The following TAF1B variants were observed in gnomAD, a reference collection of about 807,000 sequenced individuals.
TAF1B encodes the protein TATA box-binding protein-associated factor RNA polymerase I subunit B.
Under a neutral mutation model 83.9 loss-of-function variants are expected in TAF1B, and 61 were observed. The ratio of observed to expected loss-of-function variants is 0.73; its 90% CI spans 0.59 to 0.90. The LOEUF (loss-of-function observed/expected upper bound fraction) is 0.90, where lower values mean the gene tolerates loss of function less well. TAF1B is among the 40% of genes least tolerant of loss of function. The pLI is 0.00. For synonymous variants in TAF1B, 221 were observed against 224.6 expected (o/e 0.98, Z 0.14); for missense variants, 625 against 677.0 (o/e 0.92, Z 0.85).
intron 14 of TAF1B, among the ~76,000 whole-genome samples, chr2:9,920,557 G>T (rs1338546422): frequency 8.0e-6 from 1 of 125,646 alleles, no homozygotes; most frequent in Non-Finnish European, 1.6e-5. Flanking sequence ...ATTTCTCAGG[G>T]TATGGCGTCT....
intron 4 of TAF1B, chr2:9,851,907 C>A: frequency 5.1e-6 from 3 of 587,260 alleles, no homozygotes; most frequent in Non-Finnish European, 9.9e-6. Flanking sequence ...AAGTAAAACT[C>A]AAATAACTTT....
chr2:9,845,244 CAG>C lies in TAF1B; in HGVS notation c.44_45del (p.Gln15LeufsTer10), dbSNP rs1663167597. 1 of 1,613,906 alleles carries C rather than the reference CAG, an allele frequency of 6.2e-7. No individual in the cohort carries two copies. The highest frequency in any genetic ancestry group is 1.3e-5 in the African/African-American group (1 of 75,054). On this transcript the variant is annotated frameshift_variant, in exon 2 of 15. Transcript: ENST00000263663. LOFTEE classifies it high-confidence loss of function. The stretch of plus-strand genomic sequence containing the variant: ...GGAAGAGTTTAAAGAACGCTGTACT[CAG>C]TGTGCTGCTGTCTCATGGGGTCTTA... ...EAEEFKERCT[Q>X]CAAVSWGLTD...
At chr2:9,853,909 A>C (rs1430154899) in intron 4 of TAF1B, among the ~76,000 whole-genome samples, 1 of 152,156 alleles carries the variant, frequency 6.6e-6, no homozygotes, top group Non-Finnish European at 1.5e-5. Flanking sequence ...AAAGGACTCA[A>C]CTCGGTGATT....
intron 8 of TAF1B, among the ~76,000 whole-genome samples, chr2:9,889,984 C>A (rs952633368): frequency 2.6e-5 from 4 of 152,078 alleles, no homozygotes; most frequent in African/African-American, 9.7e-5. Context: ...CATATTGATA[C>A]TCAGCAAAAC....
chr2:9,879,616 C>A (rs1287653174), intron 7 of TAF1B, among the ~76,000 whole-genome samples: 1 of 152,026 alleles, frequency 6.6e-6, no homozygotes, highest in Non-Finnish European at 1.5e-5. Flanking sequence ...AGTGCCAAGC[C>A]CTAAAGCAAG....
Position 9,843,570 on chromosome 2 carries a change from G to C in TAF1B, c.18+11G>C. ...GACCTCGAGGAGGCGGTAAGGAGGC[G>C]GTGCACCTGGCGGGCCACGATCGCC... On this transcript the variant is annotated intron_variant, in intron 1 of 14. Coordinates refer to ENST00000263663, the MANE Select transcript of TAF1B (RefSeq NM_005680.3). 6.6e-7 allele frequency: 1 copy of C among 1,521,118 alleles called. No individual in the cohort carries two copies. The allele number at this position is 1,521,118 out of a possible 1,614,324, so 94.2% of individuals were successfully genotyped here.
chr2:9,910,366 C>T (rs1489027450), intron 9 of TAF1B, among the ~76,000 whole-genome samples: 2 of 152,116 alleles, frequency 1.3e-5, no homozygotes, highest in East Asian at 1.9e-4. Context: ...AGGATGCCAG[C>T]CAGTGCACAT....
chr2:9,893,515 TA>T (rs1664931542), intron 8 of TAF1B, among the ~76,000 whole-genome samples: 1 of 152,016 alleles, frequency 6.6e-6, no homozygotes, highest in Non-Finnish European at 1.5e-5. Context: ...TAAGAAACAT[TA>T]TATAGAGTGT....
At chr2:9,866,922 A>G (rs1663996976) in intron 5 of TAF1B, among the ~76,000 whole-genome samples, 1 of 149,742 alleles carries the variant, frequency 6.7e-6, no homozygotes, top group Non-Finnish European at 1.5e-5. Context: ...AACATCCCAT[A>G]CCGGGGACTG....
intron 2 of TAF1B, among the ~76,000 whole-genome samples, chr2:9,848,537 A>G (rs1967518): frequency 0.23 from 34,526 of 152,010 alleles, 4,764 homozygotes; most frequent in East Asian, 0.3. Context: ...GTGATGGCGC[A>G]TGCCTTTAAT....
At chr2:9,856,268 C>A (rs752812322) in intron 5 of TAF1B, among the ~76,000 whole-genome samples, 1 of 147,728 alleles carries the variant, frequency 6.8e-6, no homozygotes, top group Non-Finnish European at 1.5e-5. Context: ...GTTATCCTGG[C>A]GGGCAGTTGT....
At chr2:9,862,680 A>C (rs1663814769) in intron 5 of TAF1B, among the ~76,000 whole-genome samples, 1 of 152,234 alleles carries the variant, frequency 6.6e-6, no homozygotes, top group Non-Finnish European at 1.5e-5. Flanking sequence ...AAACATGTTA[A>C]GGGCAGCCAG....
intron 9 of TAF1B, among the ~76,000 whole-genome samples, chr2:9,909,264 A>G (rs1265809624): frequency 6.6e-6 from 1 of 152,242 alleles, no homozygotes; most frequent in African/African-American, 2.4e-5. Context: ...AAACAGAAAG[A>G]TAAACCCTTA....
chr2:9,865,754 C>T (rs1663950909), intron 5 of TAF1B, among the ~76,000 whole-genome samples: 1 of 151,562 alleles, frequency 6.6e-6, no homozygotes, highest in Admixed American at 6.6e-5. Flanking sequence ...ACCAATGGAA[C>T]AGAACAGAGC....
intron 2 of TAF1B, 188 bp downstream of exon 2, chr2:9,845,506 G>T: frequency 2.1e-6 from 1 of 485,840 alleles, no homozygotes; most frequent in Non-Finnish European, 3.7e-6. Context: ...GATTGAGGAT[G>T]AGTTTTTGAA....
intron 5 of TAF1B, among the ~76,000 whole-genome samples, chr2:9,858,990 A>G (rs1663659659): frequency 6.6e-6 from 1 of 152,154 alleles, no homozygotes; most frequent in South Asian, 2.1e-4. Context: ...TACTAATGCA[A>G]ATTTCTATAG....
In TAF1B at chr2:9,863,159, A is replaced by G. The variant is rs564225154; in HGVS notation, c.400-5117A>G. Among the ~76,000 whole-genome samples the G allele has an allele frequency of 2.3e-3, 356 of 152,348 alleles. 3 individuals are homozygous for G. The highest frequency in any genetic ancestry group is 8.4e-3 in the African/African-American group (351 of 41,566). On this transcript the variant is annotated intron_variant, in intron 5 of 14. Transcript: ENST00000263663. ...TAAAAGACACAGACTGGCAAATTGG[A>G]TAAAGAGTCAAGACCCATCAGTGTG...
intron 5 of TAF1B, among the ~76,000 whole-genome samples, chr2:9,862,090 G>A (rs1022250466): frequency 2.6e-5 from 4 of 152,216 alleles, no homozygotes; most frequent in African/African-American, 9.7e-5. Context: ...AAAGCTGGAA[G>A]GAGAATGACA....
At chr2:9,906,806 C>T (rs1216884257) in intron 9 of TAF1B, among the ~76,000 whole-genome samples, 1 of 152,068 alleles carries the variant, frequency 6.6e-6, no homozygotes, top group African/African-American at 2.4e-5. Flanking sequence ...TTTTCTTCTC[C>T]TACCTTTATG....
Sources: gnomAD v4.1 joint callset for allele counts (sites outside exome capture counted in the v4.1 genomes callset) on GRCh38, gnomAD v4.1.1 for gene constraint, MANE v1.5 for transcripts, NCBI Gene and HGNC (gene_info 2026-07-23, HGNC 2026-07-21) for gene names.